Variants in JAM3 observed in about 807,000 individuals in gnomAD.
JAM3 encodes the protein junctional adhesion molecule C.
Under a neutral mutation model 39.4 loss-of-function variants are expected in JAM3, and 31 were observed. The observed-to-expected ratio is 0.79, with a 90% CI of 0.59 to 1.06. The LOEUF (loss-of-function observed/expected upper bound fraction) is 1.06. Among genes scored for constraint, JAM3 ranks in the 50% least tolerant of loss-of-function variants. The pLI, the probability that JAM3 is intolerant of heterozygous loss-of-function variation, is 0.00. For synonymous variants in JAM3, 182 were observed against 148.7 expected (o/e 1.22, Z -1.63); for missense variants, 455 against 391.4 (o/e 1.16, Z -1.37).
At chr11:134,075,307 C>G (rs1031455016) in intron 1 of JAM3, among the ~76,000 whole-genome samples, 1 of 152,142 alleles carries the variant, frequency 6.6e-6, no homozygotes, top group African/African-American at 2.4e-5. Flanking sequence ...AGATAATTGA[C>G]TGACTTAAGT....
chr11:134,117,800 C>T (rs548099791), intron 1 of JAM3, among the ~76,000 whole-genome samples: 78 of 152,248 alleles, frequency 5.1e-4, no homozygotes, highest in African/African-American at 1.7e-3. Flanking sequence ...AGTAGCTCAT[C>T]CATTCAGATT....
At chr11:134,093,682 TTCA>T (rs1345853694) in intron 1 of JAM3, among the ~76,000 whole-genome samples, 1 of 124,596 alleles carries the variant, frequency 8.0e-6, no homozygotes, top group African/African-American at 3.1e-5. Flanking sequence ...GCCCTCCTTA[TTCA>T]TCATGTTCCA....
intron 1 of JAM3, among the ~76,000 whole-genome samples, chr11:134,116,578 T>C (rs1204979296): frequency 6.6e-6 from 1 of 152,202 alleles, no homozygotes; most frequent in Non-Finnish European, 1.5e-5. Context: ...ACTTTCTTGC[T>C]CTCTGACACT....
intron 1 of JAM3, among the ~76,000 whole-genome samples, chr11:134,091,828 G>A (rs1323003947): frequency 1.6e-5 from 2 of 127,816 alleles, no homozygotes; most frequent in Admixed American, 7.4e-5. Context: ...CTGTGTTTGG[G>A]GGTGTGGGTT....
intron 1 of JAM3, among the ~76,000 whole-genome samples, chr11:134,096,321 T>G (rs1179967238): frequency 6.6e-6 from 1 of 152,142 alleles, no homozygotes; most frequent in Non-Finnish European, 1.5e-5. Flanking sequence ...AGCTTTCAGT[T>G]TAGTATAAAT....
At chr11:134,144,511 G>A (rs1242187102) in intron 4 of JAM3, 118 bp downstream of exon 4, 14 of 1,272,938 alleles carry the variant, frequency 1.1e-5, no homozygotes, top group Non-Finnish European at 1.5e-5. Context: ...CTTAGGGAGG[G>A]GAGAACTGTT....
At chr11:134,113,092 A>C (rs1942348602) in intron 1 of JAM3, among the ~76,000 whole-genome samples, 1 of 152,132 alleles carries the variant, frequency 6.6e-6, no homozygotes, top group Admixed American at 6.6e-5. Context: ...TAGCATGGTA[A>C]CTGGCATATA....
chr11:134,124,012 C>G (rs1316090399), intron 1 of JAM3: 1 of 1,487,900 alleles, frequency 6.7e-7, no homozygotes, highest in Non-Finnish European at 9.4e-7. Context: ...GGTGCCCTTC[C>G]CAATCCCGCA....
At chr11:134,124,255 C>A (rs1293408505) in intron 1 of JAM3, 17 of 1,081,254 alleles carry the variant, frequency 1.6e-5, no homozygotes, top group Middle Eastern at 4.5e-4. Context: ...TTGAGAGTAG[C>A]ACTGGTAGGG....
At chr11:134,120,257 G>T (rs1260254347) in intron 1 of JAM3, among the ~76,000 whole-genome samples, 3 of 152,236 alleles carry the variant, frequency 2.0e-5, no homozygotes, top group African/African-American at 7.2e-5. Flanking sequence ...GAGCCTCAGC[G>T]GCTAGTGCAG....
chr11:134,096,571 T>G (rs1323247839), intron 1 of JAM3, among the ~76,000 whole-genome samples: 1 of 152,222 alleles, frequency 6.6e-6, no homozygotes, highest in Non-Finnish European at 1.5e-5. Flanking sequence ...GGGCAGATGT[T>G]TACTAGGGAC....
In JAM3 at chr11:134,140,699, A is replaced by T; in HGVS notation, c.185A>T (p.Asp62Val). The T allele has an allele frequency of 6.2e-7, 1 of 1,613,670 alleles. No homozygotes were observed. Among genetic ancestry groups the T allele is most frequent in the South Asian group, 1.1e-5 (1 of 91,052 alleles). ...ATCATTACGGATTCGCAGACAAGTG[A>T]CCCCAGGATCGAGTGGAAGAAAATT... ...SCIITDSQTS[D>V]PRIEWKKIQD... Residue 62 changes from aspartate to valine, a missense_variant, in exon 3 of 9, where the codon GAC becomes GTC. Coordinates refer to ENST00000299106, the MANE Select transcript of JAM3 (RefSeq NM_032801.5).
rs560371119 is a variant in JAM3 at position 134,140,043 on chromosome 11, C to T, written c.142+127C>T. On this transcript the variant is annotated intron_variant, in intron 2 of 8. Coordinates refer to ENST00000299106, the MANE Select transcript of JAM3 (RefSeq NM_032801.5). Reference sequence around the variant, plus strand: ...GAGATGTTCCGGGTGGACTGCTCTGCGGTGCACAGGCCTGGAAGCATGGCA... The same window carrying T: ...GAGATGTTCCGGGTGGACTGCTCTGTGGTGCACAGGCCTGGAAGCATGGCA... 3.5e-5 allele frequency: 27 copies of T among 773,590 alleles called. No individual in the cohort carries two copies. In the East Asian group the frequency reaches 5.0e-4, roughly 14 times the overall value. 47.9% of individuals were successfully genotyped at this position (773,590 alleles called of 1,614,324 possible).
At chr11:134,128,240 C>T (rs1013964912) in intron 1 of JAM3, among the ~76,000 whole-genome samples, 1 of 152,068 alleles carries the variant, frequency 6.6e-6, no homozygotes, top group African/African-American at 2.4e-5. Flanking sequence ...TTTAGAAATC[C>T]TTTGTTATTT....
At chr11:134,125,898 G>A (rs1401912883) in intron 1 of JAM3, among the ~76,000 whole-genome samples, 1 of 152,174 alleles carries the variant, frequency 6.6e-6, no homozygotes, top group African/African-American at 2.4e-5. Context: ...ACCCCGATGG[G>A]TTCATTTTCC....
chr11:134,142,584 T>G (rs1422930201), intron 3 of JAM3, among the ~76,000 whole-genome samples: 1 of 152,224 alleles, frequency 6.6e-6, no homozygotes, highest in African/African-American at 2.4e-5. Flanking sequence ...TCTTCCTGCT[T>G]CTTTGAAAGT....
In JAM3 at chr11:134,080,646, T is replaced by C. The variant is rs1270322065; in HGVS notation, c.76+11487T>C. Among the ~76,000 whole-genome samples, 12 of 152,180 alleles carry C rather than the reference T, an allele frequency of 7.9e-5. 1 individual carries two copies. The highest frequency in any genetic ancestry group is 7.9e-4 in the Admixed American group (12 of 15,280). On this transcript the variant is annotated intron_variant, in intron 1 of 8. Coordinates refer to ENST00000299106, the MANE Select transcript of JAM3 (RefSeq NM_032801.5). ...AGGCCTCCCCAACCACGTGGAACTG[T>C]TTAAGTCTAATAAACCTCTTTCTTT...
At chr11:134,115,728 C>T (rs1313866329) in intron 1 of JAM3, among the ~76,000 whole-genome samples, 2 of 151,680 alleles carry the variant, frequency 1.3e-5, no homozygotes, top group East Asian at 1.9e-4. Flanking sequence ...ATGTGAGATC[C>T]TGTCTCTTAA....
Position 134,118,969 on chromosome 11 carries a change from CTTT to C in JAM3, c.77-20868_77-20866del, listed in dbSNP as rs61244231. Among the ~76,000 whole-genome samples, 12 of 140,400 alleles carry C rather than the reference CTTT, an allele frequency of 8.5e-5. No homozygotes were observed. The South Asian group carries it at 1.6e-3, about 19-fold the overall frequency. The allele number at this position is 140,400 out of a possible 152,430, so 92.1% of individuals were successfully genotyped here. On this transcript the variant is annotated intron_variant, in intron 1 of 8. Coordinates refer to ENST00000299106, the MANE Select transcript of JAM3 (RefSeq NM_032801.5). ...TTAATCAGATTTGTGCTCAAGAAAT[CTTT>C]TTTTTTTTTTTTTGATACAGAGTCT...
Sources: gnomAD v4.1 joint callset for allele counts (sites outside exome capture counted in the v4.1 genomes callset) on GRCh38, gnomAD v4.1.1 for gene constraint, MANE v1.5 for transcripts, NCBI Gene and HGNC (gene_info 2026-07-23, HGNC 2026-07-21) for gene names.